Variants in BBX observed in about 807,000 individuals in gnomAD.
BBX encodes HMG box transcription factor BBX.
Under a neutral mutation model 100.2 loss-of-function variants are expected in BBX, and 30 were observed. That is an observed-to-expected ratio of 0.30 (90% CI 0.22 to 0.41). The LOEUF (loss-of-function observed/expected upper bound fraction) is 0.41. Ranked by LOEUF, BBX falls within the 10% of genes least tolerant of loss-of-function variation. BBX has a pLI of 1.00. For missense variants in BBX, 1,023 were observed against 1,129.8 expected (o/e 0.91, Z 1.35); for synonymous variants, 376 against 388.1 (o/e 0.97, Z 0.37).
chr3:107,583,089 A>G (rs2052405340), intron 2 of BBX, among the ~76,000 whole-genome samples: 1 of 151,934 alleles, frequency 6.6e-6, no homozygotes, highest in Admixed American at 6.6e-5. Flanking sequence ...TATTGCAACT[A>G]TAATCAAAAT....
chr3:107,784,529 G>A (rs751974307), intron 13 of BBX, among the ~76,000 whole-genome samples: 25 of 151,912 alleles, frequency 1.6e-4, no homozygotes, highest in Admixed American at 1.0e-3. Flanking sequence ...CGAATATATA[G>A]AAATTAAATA....
In BBX at chr3:107,806,883, G is replaced by T. The variant is rs973358035; in HGVS notation, c.*1426G>T. On this transcript the variant is annotated 3_prime_UTR_variant, in exon 18 of 18. Transcript: ENST00000325805. ...CACAAACTACCAAATTTTAATTATT[G>T]GATTCCAGCAATAATTTTTAATGGT... is the stretch of plus-strand genomic sequence containing the variant. 1.6e-4 allele frequency: 25 copies of T among 152,096 alleles called. No homozygotes were observed. Among genetic ancestry groups the T allele is most frequent in the African/African-American group, 6.0e-4 (25 of 41,388 alleles). 9.4% of individuals were successfully genotyped at this position (152,096 alleles called of 1,614,324 possible). A position where few individuals can be genotyped will look rare whatever the true frequency, so the allele number is the denominator to read the frequency against.
At chr3:107,719,932 C>T (rs2062406290) in intron 5 of BBX, among the ~76,000 whole-genome samples, 1 of 151,950 alleles carries the variant, frequency 6.6e-6, no homozygotes, top group Non-Finnish European at 1.5e-5. Flanking sequence ...GATCACACAT[C>T]TTGAACTTCA....
At chr3:107,757,601 T>TA (rs1413552647) in intron 10 of BBX, among the ~76,000 whole-genome samples, 1 of 152,230 alleles carries the variant, frequency 6.6e-6, no homozygotes, top group Non-Finnish European at 1.5e-5. Flanking sequence ...GATGTCTTAA[T>TA]ACAGTGTATT....
intron 10 of BBX, among the ~76,000 whole-genome samples, chr3:107,763,520 T>G (rs192829933): frequency 6.6e-6 from 1 of 152,352 alleles, no homozygotes; most frequent in East Asian, 1.9e-4. Flanking sequence ...AGGTTTATTT[T>G]ATCTTTAAAG....
chr3:107,760,546 CAAGTT>C (rs1386292285), intron 10 of BBX, among the ~76,000 whole-genome samples: 2 of 152,010 alleles, frequency 1.3e-5, no homozygotes, highest in African/African-American at 2.4e-5. Context: ...TAAGATATAA[CAAGTT>C]AAGGAATAAG....
chr3:107,745,173 T>C (rs1411762749), intron 8 of BBX, among the ~76,000 whole-genome samples: 5 of 152,204 alleles, frequency 3.3e-5, no homozygotes, highest in Admixed American at 3.3e-4. Context: ...AAGTCTTCTT[T>C]TGTCAGACTT....
At chr3:107,789,098 T>A (rs143346613) in intron 13 of BBX, among the ~76,000 whole-genome samples, 3 of 152,162 alleles carry the variant, frequency 2.0e-5, no homozygotes, top group Admixed American at 6.5e-5. Flanking sequence ...AGCATGTAGT[T>A]GCAGCTGTTG....
In BBX at chr3:107,805,585, C is replaced by G; in HGVS notation, c.*128C>G. 1.3e-6 allele frequency: 2 copies of G among 1,529,446 alleles called. No homozygotes were observed. The highest frequency in any genetic ancestry group is 1.7e-4 in the Middle Eastern group (1 of 5,814). 94.7% of individuals were successfully genotyped at this position (1,529,446 alleles called of 1,614,324 possible). A position where few individuals can be genotyped will look rare whatever the true frequency, so the allele number is the denominator to read the frequency against. On this transcript the variant is annotated 3_prime_UTR_variant, in exon 18 of 18. Transcript: ENST00000325805. Reference sequence around the variant, plus strand: ...ACAAGTGCTTGTTGCCCCACACGGCCCAGATTCACTTGAAGCAGAAGTTAG... The same window carrying G: ...ACAAGTGCTTGTTGCCCCACACGGCGCAGATTCACTTGAAGCAGAAGTTAG...
intron 8 of BBX, 96 bp from the exon 9 acceptor site, chr3:107,747,869 T>A: frequency 2.0e-6 from 2 of 978,896 alleles, no homozygotes; most frequent in Non-Finnish European, 3.1e-6. Context: ...TTTTTAAATC[T>A]TTATCAGTGT....
chr3:107,543,891 T>C (rs1180211165), intron 2 of BBX, among the ~76,000 whole-genome samples: 2 of 152,218 alleles, frequency 1.3e-5, no homozygotes, highest in African/African-American at 4.8e-5. Flanking sequence ...TTTAACTGAT[T>C]TGTGTACTGC....
chr3:107,742,559 G>A (rs1032618809), intron 7 of BBX, among the ~76,000 whole-genome samples: 6 of 152,118 alleles, frequency 3.9e-5, no homozygotes, highest in African/African-American at 1.2e-4. Flanking sequence ...AAAATCCACA[G>A]CATTAGTGAT....
intron 2 of BBX, among the ~76,000 whole-genome samples, chr3:107,546,088 T>G (rs1195340072): frequency 6.6e-6 from 1 of 152,212 alleles, no homozygotes; most frequent in Non-Finnish European, 1.5e-5. Context: ...TTGACTGCAC[T>G]GTAATACACA....
intron 3 of BBX, among the ~76,000 whole-genome samples, chr3:107,670,197 A>G (rs891440630): frequency 1.3e-5 from 2 of 152,156 alleles, no homozygotes; most frequent in African/African-American, 4.8e-5. Flanking sequence ...CATTTTATTA[A>G]TGTATCAACT....
intron 2 of BBX, among the ~76,000 whole-genome samples, chr3:107,602,221 T>C (rs1451846694): frequency 6.6e-6 from 1 of 152,260 alleles, no homozygotes; most frequent in Non-Finnish European, 1.5e-5. Flanking sequence ...TTAATGTTGT[T>C]TTCATGCTGC....
At chr3:107,799,106 C>T (rs2070113988) in intron 16 of BBX, among the ~76,000 whole-genome samples, 3 of 151,118 alleles carry the variant, frequency 2.0e-5, no homozygotes, top group African/African-American at 4.9e-5. Flanking sequence ...GCCGAGATCG[C>T]GCCACTGCAC....
chr3:107,659,075 T>C (rs1235895193), intron 3 of BBX, among the ~76,000 whole-genome samples: 2 of 152,074 alleles, frequency 1.3e-5, no homozygotes, highest in Non-Finnish European at 2.9e-5. Flanking sequence ...TTTAAATAAA[T>C]ATATTGTCAA....
intron 2 of BBX, among the ~76,000 whole-genome samples, chr3:107,644,347 T>A (rs2057397880): frequency 2.0e-5 from 3 of 152,188 alleles, no homozygotes; most frequent in Admixed American, 2.0e-4. Flanking sequence ...ATCCCAATTT[T>A]GGCAGTACAA....
intron 2 of BBX, among the ~76,000 whole-genome samples, chr3:107,540,388 A>G (rs1296526713): frequency 2.0e-5 from 3 of 152,154 alleles, no homozygotes; most frequent in African/African-American, 7.2e-5. Context: ...GAGTCCTAGG[A>G]TGCAGTATGG....
Sources: gnomAD v4.1 joint callset for allele counts (sites outside exome capture counted in the v4.1 genomes callset) on GRCh38, gnomAD v4.1.1 for gene constraint, MANE v1.5 for transcripts, NCBI Gene and HGNC (gene_info 2026-07-23, HGNC 2026-07-21) for gene names.